The following CSMD1 variants were observed in gnomAD, a reference collection of about 807,000 sequenced individuals.
CSMD1 encodes CUB and sushi domain-containing protein 1.
In CSMD1, 213 loss-of-function variants were observed where a neutral mutation model predicts 417.5. The observed-to-expected ratio is 0.51, with a 90% CI of 0.46 to 0.57. The LOEUF (loss-of-function observed/expected upper bound fraction) is 0.57, where lower values mean the gene tolerates loss of function less well. Ranked by LOEUF, CSMD1 falls within the 20% of genes least tolerant of loss-of-function variation. The probability of loss-of-function intolerance (pLI) is 0.00; values close to 1 mark genes in which losing one functional copy is unlikely to be tolerated. For missense variants in CSMD1, 6,923 were observed against 4,529.7 expected (o/e 1.53, Z -15.17); for synonymous variants, 2,862 against 1,736.8 (o/e 1.65, Z -16.11).
At chr8:3,367,313 G>T in intron 19 of CSMD1, 66 bp from the exon 20 acceptor site, 2 of 1,038,328 alleles carry the variant, frequency 1.9e-6, no homozygotes, top group Non-Finnish European at 2.9e-6. Context: ...CGGGGGCAGA[G>T]AGGGAGCGGG....
At chr8:4,441,469 T>C (rs999566572) in intron 2 of CSMD1, among the ~76,000 whole-genome samples, 5 of 152,042 alleles carry the variant, frequency 3.3e-5, no homozygotes, top group Admixed American at 3.3e-4. Context: ...GAATGTTTTA[T>C]TAGGAGTTAG....
chr8:4,195,159 G>C (rs1477243118), intron 3 of CSMD1, among the ~76,000 whole-genome samples: 1 of 152,122 alleles, frequency 6.6e-6, no homozygotes, highest in East Asian at 1.9e-4. Flanking sequence ...GTTCTATCCA[G>C]AACATGTGTG....
chr8:4,851,508 A>G (rs1021781007), intron 1 of CSMD1, among the ~76,000 whole-genome samples: 1 of 150,504 alleles, frequency 6.6e-6, no homozygotes, highest in Non-Finnish European at 1.5e-5. Flanking sequence ...GGCGCTTCTC[A>G]CTCCCCTATA....
At chr8:3,684,200 T>G in intron 7 of CSMD1, among the ~76,000 whole-genome samples, 1 of 47,206 alleles carries the variant, frequency 2.1e-5, no homozygotes, top group Admixed American at 3.1e-4. Context: ...ATATATAACA[T>G]GTAATTATAT....
chr8:3,985,700 T>C (rs1814270608), intron 5 of CSMD1, among the ~76,000 whole-genome samples: 1 of 151,978 alleles, frequency 6.6e-6, no homozygotes, highest in Non-Finnish European at 1.5e-5. Context: ...AAGAATCAAG[T>C]AACAACTTGA....
chr8:4,865,855 T>G (rs1802396217), intron 1 of CSMD1, among the ~76,000 whole-genome samples: 1 of 151,854 alleles, frequency 6.6e-6, no homozygotes, highest in Non-Finnish European at 1.5e-5. Context: ...TTGGGACCTA[T>G]TTTTTCCATT....
chr8:3,271,883 C>G (rs181714491), intron 26 of CSMD1, among the ~76,000 whole-genome samples: 1 of 151,978 alleles, frequency 6.6e-6, no homozygotes, highest in Non-Finnish European at 1.5e-5. Flanking sequence ...TGTAGGTTGC[C>G]TGTTCACTCT....
intron 41 of CSMD1, among the ~76,000 whole-genome samples, chr8:3,141,917 C>T (rs1424283849): frequency 6.6e-6 from 1 of 151,930 alleles, no homozygotes; most frequent in Non-Finnish European, 1.5e-5. Flanking sequence ...CCTGCCTCAG[C>T]CTCCCGAGTA....
rs544710588 is a variant in CSMD1, at chr8:3,384,301, TACATTTTTAA to T, written c.2782+3183_2782+3192del. Among the ~76,000 whole-genome samples, 58 of 152,290 alleles carry T rather than the reference TACATTTTTAA, an allele frequency of 3.8e-4. 1 individual carries two copies. The South Asian group carries it at 7.3e-3, about 19-fold the overall frequency. ...CAATCAATGTGTAACTTATTTCATGTACATTTTTAAACATTTTTAAATCAAATCAGGCATC... is the reference window on the plus strand; with the variant it reads ...CAATCAATGTGTAACTTATTTCATGTACATTTTTAAATCAAATCAGGCATC... On this transcript the variant is annotated intron_variant, in intron 18 of 69. Transcript: ENST00000635120.
intron 3 of CSMD1, among the ~76,000 whole-genome samples, chr8:4,107,985 G>A (rs193210857): frequency 2.0e-5 from 3 of 152,072 alleles, no homozygotes; most frequent in East Asian, 3.9e-4. Context: ...GGGGAGCTTA[G>A]AGAAGTAGAA....
chr8:3,519,677 G>A (rs1585293765), intron 10 of CSMD1, among the ~76,000 whole-genome samples: 1 of 152,182 alleles, frequency 6.6e-6, no homozygotes, highest in Non-Finnish European at 1.5e-5. Context: ...GCAGGCCATG[G>A]CTGCTTCATT....
At chr8:3,522,058 C>G (rs554891708) in intron 10 of CSMD1, among the ~76,000 whole-genome samples, 15 of 152,256 alleles carry the variant, frequency 9.9e-5, no homozygotes, top group African/African-American at 3.1e-4. Flanking sequence ...AATAATTTTT[C>G]TCCTTATAGA....
At chr8:3,147,521 C>G (rs1379799871) in intron 40 of CSMD1, among the ~76,000 whole-genome samples, 1 of 152,192 alleles carries the variant, frequency 6.6e-6, no homozygotes, top group African/African-American at 2.4e-5. Context: ...TTTCCTACTT[C>G]AGCTGGGGCA....
intron 5 of CSMD1, among the ~76,000 whole-genome samples, chr8:3,836,609 A>C (rs1307675995): frequency 6.6e-6 from 1 of 152,186 alleles, no homozygotes; most frequent in Non-Finnish European, 1.5e-5. Flanking sequence ...ATTTATATTT[A>C]CTAAATGGTA....
At chr8:3,500,364 C>G (rs527377641) in intron 10 of CSMD1, among the ~76,000 whole-genome samples, 1 of 152,140 alleles carries the variant, frequency 6.6e-6, no homozygotes, top group Non-Finnish European at 1.5e-5. Flanking sequence ...CGTCAAGCCA[C>G]TGTGGCCAGT....
intron 6 of CSMD1, among the ~76,000 whole-genome samples, chr8:3,733,568 C>T (rs1439370422): frequency 6.6e-6 from 1 of 151,970 alleles, no homozygotes; most frequent in Non-Finnish European, 1.5e-5. Flanking sequence ...AAGTTGCGGG[C>T]CATTCTTCGA....
intron 49 of CSMD1, among the ~76,000 whole-genome samples, chr8:3,067,149 G>C (rs1812988527): frequency 6.6e-6 from 1 of 152,004 alleles, no homozygotes; most frequent in African/African-American, 2.4e-5. Flanking sequence ...TGCACCTCTC[G>C]ACCTGTCTGA....
chr8:3,800,277 A>G (rs910507730), intron 5 of CSMD1, among the ~76,000 whole-genome samples: 2 of 152,158 alleles, frequency 1.3e-5, no homozygotes, highest in African/African-American at 2.4e-5. Flanking sequence ...GAATACAAGA[A>G]GTTTAATGCC....
At chr8:3,336,003 C>G (rs754803989) in intron 23 of CSMD1, among the ~76,000 whole-genome samples, 3 of 152,088 alleles carry the variant, frequency 2.0e-5, no homozygotes, top group Non-Finnish European at 2.9e-5. Context: ...ATGAGTAATC[C>G]TTAAGCCTAG....
Sources: allele counts gnomAD v4.1 joint callset (sites outside exome capture counted in the v4.1 genomes callset), GRCh38; gene constraint gnomAD v4.1.1; transcripts MANE v1.5; gene names NCBI Gene and HGNC (gene_info 2026-07-23, HGNC 2026-07-21).